Variants in HHIP observed in about 807,000 individuals in gnomAD.
HHIP encodes hedgehog-interacting protein.
A neutral mutation model predicts 74.0 loss-of-function variants in HHIP; 12 were observed. The ratio of observed to expected loss-of-function variants is 0.16; its 90% CI spans 0.10 to 0.26. The LOEUF (loss-of-function observed/expected upper bound fraction) is 0.26. HHIP is among the 10% of genes least tolerant of loss of function. HHIP has a pLI of 1.00. For missense variants in HHIP, 788 were observed against 845.0 expected, an observed-to-expected ratio of 0.93 and a Z score of 0.84; for synonymous variants, 309 against 311.6, an observed-to-expected ratio of 0.99 and a Z score of 0.09.
chr4:144,647,221 G>C, intron 1 of HHIP: 1 of 407,796 alleles, frequency 2.5e-6, no homozygotes, highest in South Asian at 7.8e-5. Flanking sequence ...CCCGCACCCT[G>C]GGCTGGGTAA....
chr4:144,731,857 C>A (rs577513728), intron 11 of HHIP, among the ~76,000 whole-genome samples: 3 of 152,308 alleles, frequency 2.0e-5, no homozygotes, highest in Non-Finnish European at 2.9e-5. Context: ...GTAGTTGCCT[C>A]CTCATCTGTA....
intron 2 of HHIP, among the ~76,000 whole-genome samples, chr4:144,655,265 G>A (rs1728528416): frequency 6.6e-6 from 1 of 152,010 alleles, no homozygotes; most frequent in African/African-American, 2.4e-5. Flanking sequence ...ATTCACTTAG[G>A]GAAGTAAATT....
intron 4 of HHIP, among the ~76,000 whole-genome samples, chr4:144,683,808 AC>A (rs1729407857): frequency 6.6e-6 from 1 of 152,158 alleles, no homozygotes; most frequent in Admixed American, 6.5e-5. Flanking sequence ...ACAAAGCCTT[AC>A]GTATTTAATA....
At chr4:144,648,855 A>G (rs1228777007) in intron 1 of HHIP, 1 of 152,172 alleles carries the variant, frequency 6.6e-6, no homozygotes, top group Admixed American at 6.5e-5. Flanking sequence ...TTAGGAAGCA[A>G]TCTGCCATGT....
intron 10 of HHIP, 22 bp from the exon 11 acceptor site, chr4:144,718,853 T>C (rs369264736): frequency 5.3e-6 from 8 of 1,496,000 alleles, no homozygotes; most frequent in African/African-American, 2.8e-5. Context: ...AATTTGCTTA[T>C]TGTTATTTCT....
At chr4:144,670,764 GA>G (rs1167213848) in intron 4 of HHIP, among the ~76,000 whole-genome samples, 2,614 of 54,922 alleles carry the variant, frequency 0.048, 23 homozygotes, top group African/African-American at 0.1. Context: ...CTTAAGATTT[GA>G]AAAAAAAAAA....
chr4:144,691,156 C>T (rs1244654587), intron 4 of HHIP, among the ~76,000 whole-genome samples: 1 of 151,988 alleles, frequency 6.6e-6, no homozygotes, highest in Non-Finnish European at 1.5e-5. Context: ...TGAAAGATTG[C>T]CAACTTTCCA....
intron 4 of HHIP, among the ~76,000 whole-genome samples, chr4:144,663,417 T>G (rs1188218362): frequency 6.6e-6 from 1 of 152,212 alleles, no homozygotes; most frequent in Non-Finnish European, 1.5e-5. Context: ...TGAAAACCAC[T>G]GATGTAGCCT....
chr4:144,670,660 AG>A (rs1436996720), intron 4 of HHIP, among the ~76,000 whole-genome samples: 2 of 150,776 alleles, frequency 1.3e-5, no homozygotes, highest in Non-Finnish European at 3.0e-5. Flanking sequence ...CTGTTTCATA[AG>A]AAACCTTAGT....
chr4:144,659,139 G>A (rs987514672), intron 3 of HHIP, among the ~76,000 whole-genome samples, 193 bp downstream of exon 3: 13 of 152,072 alleles, frequency 8.5e-5, no homozygotes, highest in African/African-American at 2.9e-4. Context: ...ACTACTAATC[G>A]TATATTATGA....
intron 1 of HHIP, among the ~76,000 whole-genome samples, chr4:144,650,080 A>G (rs1243785112): frequency 6.6e-6 from 1 of 152,126 alleles, no homozygotes; most frequent in African/African-American, 2.4e-5. Context: ...TTGTCCCCTC[A>G]TCGAACCCAT....
intron 8 of HHIP, 69 bp from the exon 9 acceptor site, chr4:144,714,156 G>A: frequency 1.5e-6 from 2 of 1,352,412 alleles, no homozygotes; most frequent in Middle Eastern, 1.8e-4. Context: ...AGTAATTGTT[G>A]TTTGGTGTAC....
In HHIP at chr4:144,707,089, A is replaced by G; in HGVS notation, c.986A>G (p.Lys329Arg). Residue 329 changes from lysine (K) to arginine (R), a missense_variant and splice_region_variant, in exon 6 of 13, where the codon AAA becomes AGA. This residue lies in a region of HHIP where 72 missense variants were observed against 130.6 expected (regional missense o/e 0.55). Coordinates refer to ENST00000296575, the MANE Select transcript of HHIP (RefSeq NM_022475.3). ...ATTGTTTTCTTCCCACAATGTAGAA[A>G]AAATCCACACCAAGTTGATTTGAGA... Reference protein sequence around the residue: ...LRVVEYTVSRKNPHQVDLRTA... With the variant: ...LRVVEYTVSRRNPHQVDLRTA... 6.2e-7 allele frequency: 1 copy of G among 1,613,856 alleles called. No individual in the cohort carries two copies. Among genetic ancestry groups the G allele is most frequent in the Non-Finnish European group, 8.5e-7 (1 of 1,179,742 alleles).
At chr4:144,662,646 G>A (rs933781356) in intron 4 of HHIP, among the ~76,000 whole-genome samples, 1 of 152,212 alleles carries the variant, frequency 6.6e-6, no homozygotes. Flanking sequence ...TGTGAAGAAT[G>A]GGCCACATGT....
rs1305259897 is a variant in HHIP, at chr4:144,745,072, T to G, written c.*7115T>G. 1 of 152,222 alleles carries G rather than the reference T, an allele frequency of 6.6e-6. No individual in the cohort carries two copies. The highest frequency in any genetic ancestry group is 2.4e-5 in the African/African-American group (1 of 41,454). 9.4% of individuals were successfully genotyped at this position (152,222 alleles called of 1,614,324 possible). ...TCTTTAAAATAGAACAATTGTATCT[T>G]GAAGTGGTAAATGCAGAGAATTGGT... On this transcript the variant is annotated 3_prime_UTR_variant, in exon 13 of 13. Transcript: ENST00000296575.
In HHIP at chr4:144,743,511, C is replaced by G. The variant is rs1265391619; in HGVS notation, c.*5554C>G. Reference sequence around the variant, plus strand: ...AAATGGTATCAGCTCAACATTAAATCTAAGGTTACTTCTCACATACATCAT... The same window carrying G: ...AAATGGTATCAGCTCAACATTAAATGTAAGGTTACTTCTCACATACATCAT... On this transcript the variant is annotated 3_prime_UTR_variant, in exon 13 of 13. Coordinates refer to ENST00000296575, the MANE Select transcript of HHIP (RefSeq NM_022475.3). 1 of 152,010 alleles carries G rather than the reference C, an allele frequency of 6.6e-6. No homozygotes were observed. Among genetic ancestry groups the G allele is most frequent in the East Asian group, 1.9e-4 (1 of 5,186 alleles). 9.4% of individuals were successfully genotyped at this position (152,010 alleles called of 1,614,324 possible). A position where few individuals can be genotyped will look rare whatever the true frequency, so the allele number is the denominator to read the frequency against.
intron 12 of HHIP, among the ~76,000 whole-genome samples, chr4:144,736,790 G>A (rs1381487678): frequency 6.6e-6 from 1 of 152,008 alleles, no homozygotes; most frequent in African/African-American, 2.4e-5. Flanking sequence ...ACCTAAACAG[G>A]AATTTTATTC....
intron 4 of HHIP, among the ~76,000 whole-genome samples, chr4:144,668,638 G>A (rs2126602689): frequency 6.6e-6 from 1 of 152,180 alleles, no homozygotes; most frequent in African/African-American, 2.4e-5. Flanking sequence ...TGTAGTCCCA[G>A]CTACTCAGGA....
chr4:144,705,854 C>A (rs1260008392), intron 4 of HHIP, among the ~76,000 whole-genome samples: 1 of 152,166 alleles, frequency 6.6e-6, no homozygotes, highest in Non-Finnish European at 1.5e-5. Flanking sequence ...CACTCCTTCC[C>A]CAGCCGTGGC....
Sources: gnomAD v4.1 joint callset for allele counts (sites outside exome capture counted in the v4.1 genomes callset) on GRCh38, gnomAD v4.1.1 for gene constraint, gnomAD v4.1.1 regional missense constraint, MANE v1.5 for transcripts, NCBI Gene and HGNC (gene_info 2026-07-23, HGNC 2026-07-21) for gene names.